The following LTV1 variants were observed in gnomAD, a reference collection of about 807,000 sequenced individuals.
LTV1 encodes protein LTV1 homolog.
Under a neutral mutation model 59.9 loss-of-function variants are expected in LTV1, and 39 were observed. The observed-to-expected ratio is 0.65, with a 90% CI of 0.50 to 0.85. The LOEUF is 0.85. Among genes scored for constraint, LTV1 ranks in the 40% least tolerant of loss-of-function variants. LTV1 has a pLI of 0.00. For synonymous variants in LTV1, 171 were observed against 189.5 expected (o/e 0.90, Z 0.80); for missense variants, 493 against 549.1 (o/e 0.90, Z 1.02).
At chr6:143,851,767 CCT>C (rs1776986507) in intron 4 of LTV1, among the ~76,000 whole-genome samples, 1 of 152,034 alleles carries the variant, frequency 6.6e-6, no homozygotes, top group South Asian at 2.1e-4. Flanking sequence ...TGTTCCCCTC[CCT>C]GTGTCCATAT....
chr6:143,850,864 C>A (rs921499182), intron 4 of LTV1, among the ~76,000 whole-genome samples: 2 of 152,144 alleles, frequency 1.3e-5, no homozygotes, highest in Non-Finnish European at 2.9e-5. Flanking sequence ...GAATTTACCT[C>A]ATTTGGGAAA....
At position 143,863,607 on chromosome 6, in the gene LTV1, A is replaced by C; in HGVS notation, c.*80A>C. The stretch of plus-strand genomic sequence containing the variant: ...TTGACTAGAAACTTCAGAAAGACAA[A>C]ACTGTTTGCCATTTTTACTGGCAGA... On this transcript the variant is annotated 3_prime_UTR_variant, in exon 11 of 11. Coordinates refer to ENST00000367576, the MANE Select transcript of LTV1 (RefSeq NM_032860.5). The surrounding 1 kb of genome is among the most constrained non-coding windows in gnomAD (Gnocchi z 4.5). The C allele has an allele frequency of 1.1e-6, 1 of 887,014 alleles. No individual in the cohort carries two copies. The highest frequency in any genetic ancestry group is 1.7e-6 in the Non-Finnish European group (1 of 580,926). The allele number at this position is 887,014 out of a possible 1,614,324, so 54.9% of individuals were successfully genotyped here.
In LTV1 at chr6:143,850,148, G is replaced by T; in HGVS notation, c.327G>T (p.Leu109Phe). Residue 109 changes from leucine to phenylalanine, a missense_variant, in exon 4 of 11, where the codon TTG becomes TTT. Transcript: ENST00000367576. ...TTTTCAAGAGCACTGGAATTAAGTT[G>T]CCTTCATCAGTGTTTGCTTCAGAGT... Reference protein sequence around the residue: ...TLVIPSTGIKLPSSVFASEFE... With the variant: ...TLVIPSTGIKFPSSVFASEFE... 1 of 1,613,504 alleles carries T rather than the reference G, an allele frequency of 6.2e-7. No individual in the cohort carries two copies. Among genetic ancestry groups the T allele is most frequent in the Non-Finnish European group, 8.5e-7 (1 of 1,179,690 alleles).
intron 4 of LTV1, among the ~76,000 whole-genome samples, chr6:143,852,650 A>G (rs1012213210): frequency 2.6e-5 from 4 of 152,204 alleles, no homozygotes; most frequent in African/African-American, 7.2e-5. Context: ...GCCCATGCCT[A>G]TATCCTGAAT....
At chr6:143,849,750 C>T (rs1355151973) in intron 3 of LTV1, among the ~76,000 whole-genome samples, 2 of 152,070 alleles carry the variant, frequency 1.3e-5, no homozygotes, top group Non-Finnish European at 2.9e-5. Flanking sequence ...TTCTGGAGGT[C>T]AGAAGTTTGA....
At chr6:143,844,448 C>T in intron 1 of LTV1, 38 bp from the exon 2 acceptor site, 1 of 1,604,772 alleles carries the variant, frequency 6.2e-7, no homozygotes, top group Non-Finnish European at 8.5e-7. Flanking sequence ...TCTTTTTGTT[C>T]TGTTTTAATT....
chr6:143,850,583 C>T (rs559758703), intron 4 of LTV1, among the ~76,000 whole-genome samples: 20 of 152,208 alleles, frequency 1.3e-4, no homozygotes, highest in Non-Finnish European at 2.2e-4. Flanking sequence ...CCAGAGCATA[C>T]AGGTATTTTT....
At position 143,843,343 on chromosome 6, in the gene LTV1, G is replaced by A. The variant is rs1241419674; in HGVS notation, c.-135G>A. 1 of 1,113,768 alleles carries A rather than the reference G, an allele frequency of 9.0e-7. No individual in the cohort carries two copies. Among genetic ancestry groups the A allele is most frequent in the Non-Finnish European group, 1.4e-6 (1 of 740,080 alleles). 69.0% of individuals were successfully genotyped at this position (1,113,768 alleles called of 1,614,324 possible). A position where few individuals can be genotyped will look rare whatever the true frequency, so the allele number is the denominator to read the frequency against. On this transcript the variant is annotated 5_prime_UTR_variant, in exon 1 of 11. Transcript: ENST00000367576. ...CCGTTTCCACGGCCGGCTGGGTGAC[G>A]TTATCGCCGGGTCCTGGGGCTGCAC...
chr6:143,863,085 GC>G lies in LTV1; in HGVS notation c.1119del (p.Lys374AsnfsTer31). ...CTAGTACCATTTTATCTGTATTTCA[GC>G]CCAAACAAATTCGAATATCTTCTAA... Reference protein sequence around the residue: ...HPQLIKYQPKPKQIRISSKTG... With the variant: ...HPQLIKYQPKXKQIRISSKTG... On this transcript the variant is annotated frameshift_variant and splice_region_variant, in exon 10 of 11. Coordinates refer to ENST00000367576, the MANE Select transcript of LTV1 (RefSeq NM_032860.5). LOFTEE classifies it high-confidence loss of function. This position sits in a 1 kb window ranked among gnomAD's most constrained non-coding sequence, Gnocchi z 4.5. 8 of 1,612,682 alleles carry G rather than the reference GC, an allele frequency of 5.0e-6. No individual in the cohort carries two copies. Among genetic ancestry groups the G allele is most frequent in the Non-Finnish European group, 6.8e-6 (8 of 1,178,944 alleles).
chr6:143,856,996 C>G (rs1322961836), intron 4 of LTV1, among the ~76,000 whole-genome samples: 1 of 152,198 alleles, frequency 6.6e-6, no homozygotes, highest in African/African-American at 2.4e-5. Flanking sequence ...TCAGAGCCGG[C>G]AGGCAGGAAC....
Position 143,860,446 on chromosome 6 carries a change from T to C in LTV1, c.816T>C (p.Asp272=). ...TCAAGTTTTATGAGCAATATGATGA[T>C]GATGAAATTGGAGCTCTGGATAATG... ...RFEKFYEQYD[D]DEIGALDNAE... is the part of the protein sequence containing the mutation. Residue 272 remains aspartate (D), a synonymous_variant, in exon 7 of 11, where the codon GAT becomes GAC. Coordinates refer to ENST00000367576, the MANE Select transcript of LTV1 (RefSeq NM_032860.5). The C allele has an allele frequency of 6.2e-7, 1 of 1,613,428 alleles. No homozygotes were observed. The highest frequency in any genetic ancestry group is 8.5e-7 in the Non-Finnish European group (1 of 1,179,672).
rs75441334 is a variant in LTV1 at position 143,854,803 on chromosome 6, C to G, written c.398-2500C>G. Reference sequence around the variant, plus strand: ...AGTTCTAATTTGATTGCAGTGTGGTCTGAGAGACTGTTTGTTATGATTGCC... The same window carrying G: ...AGTTCTAATTTGATTGCAGTGTGGTGTGAGAGACTGTTTGTTATGATTGCC... On this transcript the variant is annotated intron_variant, in intron 4 of 10. Coordinates refer to ENST00000367576, the MANE Select transcript of LTV1 (RefSeq NM_032860.5). Among the ~76,000 whole-genome samples the G allele has an allele frequency of 4.5e-4, 68 of 152,236 alleles. 1 individual carries two copies. Among genetic ancestry groups the G allele is most frequent in the Admixed American group, 1.6e-3 (24 of 15,274 alleles).
intron 1 of LTV1, 69 bp downstream of exon 1, chr6:143,843,549 A>G: frequency 6.2e-7 from 1 of 1,603,130 alleles, no homozygotes; most frequent in South Asian, 1.1e-5. Context: ...GCTTCCGGTA[A>G]TACCTTGGCT....
chr6:143,843,465 G>T lies in LTV1; in HGVS notation c.-13G>T, dbSNP rs748755588. On this transcript the variant is annotated 5_prime_UTR_variant, in exon 1 of 11. Transcript: ENST00000367576. ...GCCGCCCCTGTTGGGGGTGAGCGCC[G>T]CGCGGCTGCAGCATGGTGAGCAAGC... 13 of 1,613,176 alleles carry T rather than the reference G, an allele frequency of 8.1e-6. No homozygotes were observed. Among genetic ancestry groups the T allele is most frequent in the Non-Finnish European group, 1.1e-5 (13 of 1,179,966 alleles).
At chr6:143,860,704 G>A (rs1777148147) in intron 7 of LTV1, 151 bp downstream of exon 7, 6 of 635,510 alleles carry the variant, frequency 9.4e-6, no homozygotes, top group Non-Finnish European at 1.2e-5. Context: ...AAGAAAAGGG[G>A]AAAAAAAAAG....
Position 143,863,669 on chromosome 6 carries a change from TAGTA to T in LTV1, c.*146_*149del. The stretch of plus-strand genomic sequence containing the variant: ...TACAATATTTGTATTATTTTTATAC[TAGTA>T]AGTGTCCCCTGCCAACCATCTTGTA... On this transcript the variant is annotated 3_prime_UTR_variant, in exon 11 of 11. Transcript: ENST00000367576. This position sits in a 1 kb window ranked among gnomAD's most constrained non-coding sequence, Gnocchi z 4.5. 3 of 513,482 alleles carry T rather than the reference TAGTA, an allele frequency of 5.8e-6. No homozygotes were observed. The highest frequency in any genetic ancestry group is 1.0e-5 in the Non-Finnish European group (3 of 286,132). The allele number at this position is 513,482 out of a possible 1,614,324, so 31.8% of individuals were successfully genotyped here.
rs1226129332 is a variant in LTV1 at position 143,857,380 on chromosome 6, C to T, written c.475C>T (p.Leu159Phe). The T allele has an allele frequency of 1.2e-6, 2 of 1,613,998 alleles. No individual in the cohort carries two copies. The highest frequency in any genetic ancestry group is 1.7e-6 in the Non-Finnish European group (2 of 1,179,958). The change falls in exon 5 of 11, where the codon CTT becomes TTT. Residue 159 changes from leucine to phenylalanine, a missense_variant. Physicochemically the swap from Leu to Phe is conservative, Grantham distance 22 (BLOSUM62 0). Coordinates refer to ENST00000367576, the MANE Select transcript of LTV1 (RefSeq NM_032860.5). This position sits in a 1 kb window ranked among gnomAD's most constrained non-coding sequence, Gnocchi z 5.2. ...TGACTTTGATGATCCAGATAATCTG[C>T]TTGAGGATGACTTTATTCTTCAGGC... Reference protein sequence around the residue: ...DFDFDDPDNLLEDDFILQANK... With the variant: ...DFDFDDPDNLFEDDFILQANK...
rs571591530 is a variant in LTV1 at position 143,846,685 on chromosome 6, T to A, written c.309+461T>A. The stretch of plus-strand genomic sequence containing the variant: ...ATAACATTCCTGTCTTGTAAACAAA[T>A]GTTCGGTCCACTTTAATACCTTCTC... On this transcript the variant is annotated intron_variant, in intron 3 of 10. Coordinates refer to ENST00000367576, the MANE Select transcript of LTV1 (RefSeq NM_032860.5). 1.1e-4 allele frequency among the ~76,000 whole-genome samples: 16 copies of A among 152,328 alleles called. No individual in the cohort carries two copies. In the South Asian group the frequency reaches 1.9e-3, roughly 18 times the overall value.
chr6:143,863,271 A>G lies in LTV1; in HGVS notation c.1302A>G (p.Ile434Met). Residue 434 changes from isoleucine to methionine, a missense_variant, in exon 10 of 11, where the codon ATA (isoleucine) becomes ATG (methionine). Ile to Met is a conservative substitution (Grantham distance 10). Transcript: ENST00000367576. The surrounding 1 kb of genome is among the most constrained non-coding windows in gnomAD (Gnocchi z 4.5). The part of the protein sequence containing the change: ...KEDKRARKQA[I>M]KEERKERRVE... ...ATAAAAGAGCAAGAAAGCAAGCTATAAAAGAAGAGCGCAAGGTAAAATATA... is the reference window on the plus strand; with the variant it reads ...ATAAAAGAGCAAGAAAGCAAGCTATGAAAGAAGAGCGCAAGGTAAAATATA... 6.2e-7 allele frequency: 1 copy of G among 1,613,832 alleles called. No individual in the cohort carries two copies. The highest frequency in any genetic ancestry group is 8.5e-7 in the Non-Finnish European group (1 of 1,179,890).
Sources: gnomAD v4.1 joint callset for allele counts (sites outside exome capture counted in the v4.1 genomes callset) on GRCh38, gnomAD v4.1.1 for gene constraint, Gnocchi (gnomAD v3.1) non-coding constraint, MANE v1.5 for transcripts, NCBI Gene and HGNC (gene_info 2026-07-23, HGNC 2026-07-21) for gene names.